TDP1: variants seen among roughly 807,000 people sequenced by gnomAD.
TDP1 encodes the protein tyrosyl-DNA phosphodiesterase 1, also known as tyr-DNA phosphodiesterase 1.
In TDP1, 64 loss-of-function variants were observed where a neutral mutation model predicts 81.5. The observed-to-expected ratio is 0.79, with a 90% confidence interval of 0.64 to 0.97. TDP1 has a LOEUF of 0.97. Among genes scored for constraint, TDP1 ranks in the 50% least tolerant of loss-of-function variants. The pLI is 0.00. For missense variants in TDP1, 723 were observed against 743.8 expected (o/e 0.97, Z 0.33); for synonymous variants, 256 against 264.3 (o/e 0.97, Z 0.30).
intron 3 of TDP1, 44 bp downstream of exon 3, chr14:89,963,717 A>G (rs1324868798): frequency 1.4e-5 from 23 of 1,607,498 alleles, no homozygotes; most frequent in Non-Finnish European, 2.0e-5. Flanking sequence ...ATTGCCCTTG[A>G]GAGTCTCTCC....
At chr14:89,983,493 G>A (rs1895225769) in intron 8 of TDP1, among the ~76,000 whole-genome samples, 1 of 152,162 alleles carries the variant, frequency 6.6e-6, no homozygotes, top group South Asian at 2.1e-4. Flanking sequence ...TCTCCTTCAG[G>A]GGCTGCCAGG....
chr14:90,026,683 T>C (rs575080495), intron 15 of TDP1, among the ~76,000 whole-genome samples: 126 of 151,900 alleles, frequency 8.3e-4, no homozygotes, highest in Non-Finnish European at 1.3e-3. Flanking sequence ...TTGTTCAATT[T>C]CCACCTATGA....
intron 15 of TDP1, among the ~76,000 whole-genome samples, chr14:90,019,720 G>A (rs201021211): frequency 1.3e-5 from 2 of 152,140 alleles, no homozygotes; most frequent in East Asian, 3.9e-4. Flanking sequence ...GATTTATCTC[G>A]AGGTGGTAGA....
intron 3 of TDP1, among the ~76,000 whole-genome samples, chr14:89,964,207 AGAAG>A (rs143694338): frequency 0.056 from 8,542 of 152,226 alleles, 507 homozygotes; most frequent in African/African-American, 0.15. Context: ...CTGGTGAAGA[AGAAG>A]AAGAAAAAAC....
At chr14:90,024,800 A>C (rs1307612188) in intron 15 of TDP1, among the ~76,000 whole-genome samples, 1 of 152,236 alleles carries the variant, frequency 6.6e-6, no homozygotes, top group African/African-American at 2.4e-5. Context: ...AATGCAGTTT[A>C]TCATAAAATG....
chr14:90,034,012 A>G (rs2140326348), intron 16 of TDP1, among the ~76,000 whole-genome samples: 1 of 152,222 alleles, frequency 6.6e-6, no homozygotes, highest in East Asian at 1.9e-4. Context: ...GGCTGCAGTG[A>G]GCTATGATTG....
At chr14:89,998,371 ATTATAT>A in intron 14 of TDP1, among the ~76,000 whole-genome samples, 1 of 77,634 alleles carries the variant, frequency 1.3e-5, no homozygotes, top group South Asian at 4.9e-4. Flanking sequence ...TTCCAAGCAC[ATTATAT>A]ATATATATAT....
intron 2 of TDP1, among the ~76,000 whole-genome samples, chr14:89,961,552 CAG>C (rs1445392273): frequency 3.3e-5 from 5 of 152,306 alleles, no homozygotes; most frequent in Middle Eastern, 6.8e-3. Flanking sequence ...CATATTGTCA[CAG>C]AATCTATTCT....
intron 14 of TDP1, among the ~76,000 whole-genome samples, chr14:90,006,709 TTG>T (rs1169610495): frequency 6.6e-6 from 1 of 151,972 alleles, no homozygotes; most frequent in Non-Finnish European, 1.5e-5. Flanking sequence ...GCTAATTTTT[TTG>T]TGTTTTTAGT....
rs190152137 is a variant in TDP1, at chr14:89,973,439, C to T, written c.756+2168C>T. Reference sequence around the variant, plus strand: ...GGCCACCAGAGGGCATAGTGAGCCACTTCTTCCAAACCTCTTGGAAAGAGC... The same window carrying T: ...GGCCACCAGAGGGCATAGTGAGCCATTTCTTCCAAACCTCTTGGAAAGAGC... On this transcript the variant is annotated intron_variant, in intron 6 of 16. Coordinates refer to ENST00000335725, the MANE Select transcript of TDP1 (RefSeq NM_018319.4). 4.6e-5 allele frequency among the ~76,000 whole-genome samples: 7 copies of T among 152,354 alleles called. No homozygotes were observed. The East Asian group carries it at 1.2e-3, about 25-fold the overall frequency.
intron 7 of TDP1, among the ~76,000 whole-genome samples, chr14:89,977,210 G>C (rs1894440888): frequency 1.3e-5 from 2 of 152,174 alleles, no homozygotes; most frequent in African/African-American, 4.8e-5. Flanking sequence ...TCCCAATTAA[G>C]TATCTGTAGT....
intron 6 of TDP1, 144 bp downstream of exon 6, chr14:89,971,415 A>G: frequency 1.4e-6 from 1 of 710,600 alleles, no homozygotes; most frequent in Non-Finnish European, 2.5e-6. Context: ...CAGCTTAAAC[A>G]CTTCCTGAGA....
In TDP1 at chr14:89,963,631, G is replaced by T; in HGVS notation, c.517G>T (p.Gly173Ter). 4 of 1,614,088 alleles carry T rather than the reference G, an allele frequency of 2.5e-6. No homozygotes were observed. Among genetic ancestry groups the T allele is most frequent in the Non-Finnish European group, 3.4e-6 (4 of 1,179,976 alleles). The change falls in exon 3 of 17, where the codon GGA (glycine) becomes TGA (stop). Residue 173 changes from glycine (G) to a stop codon, truncating the protein, a stop_gained. Coordinates refer to ENST00000335725, the MANE Select transcript of TDP1 (RefSeq NM_018319.4). LOFTEE classifies it high-confidence loss of function. ...PFQFYLTRVS[G>*]VKPKYNSGAL... is the part of the protein sequence containing the mutation. ...CCAGTTTTACCTCACTAGAGTCTCTGGAGTTAAGCCAAAGTATAACTCTGG... is the reference window on the plus strand; with the variant it reads ...CCAGTTTTACCTCACTAGAGTCTCTTGAGTTAAGCCAAAGTATAACTCTGG...
intron 14 of TDP1, among the ~76,000 whole-genome samples, chr14:89,996,680 C>G (rs1239677081): frequency 2.6e-5 from 4 of 152,242 alleles, no homozygotes; most frequent in South Asian, 2.1e-4. Flanking sequence ...CTTAACCTCT[C>G]TGAGCCTCAG....
chr14:90,016,206 G>A (rs1005452261), intron 14 of TDP1, among the ~76,000 whole-genome samples: 21 of 151,838 alleles, frequency 1.4e-4, no homozygotes, highest in African/African-American at 4.6e-4. Context: ...CACCACGCCC[G>A]GCTAATTTTG....
intron 12 of TDP1, among the ~76,000 whole-genome samples, chr14:89,990,380 A>G (rs966462185): frequency 1.3e-5 from 2 of 152,058 alleles, no homozygotes; most frequent in African/African-American, 4.8e-5. Flanking sequence ...GTTAACTGAA[A>G]ACCCACATAG....
chr14:90,000,840 C>T (rs1428780895), intron 14 of TDP1, among the ~76,000 whole-genome samples: 1 of 152,198 alleles, frequency 6.6e-6, no homozygotes, highest in Non-Finnish European at 1.5e-5. Context: ...GGCTCCAAAG[C>T]TCTTTGAGAA....
At position 90,008,217 on chromosome 14, in the gene TDP1, T is replaced by C. The variant is rs561691342; in HGVS notation, c.1542-11099T>C. Among the ~76,000 whole-genome samples, 4 of 152,356 alleles carry C rather than the reference T, an allele frequency of 2.6e-5. No homozygotes were observed. The East Asian group carries it at 5.8e-4, about 22-fold the overall frequency. On this transcript the variant is annotated intron_variant, in intron 14 of 16. Transcript: ENST00000335725. ...TCTCACTTCCTTCTTGCAACTCTTA[T>C]GAGATGCTTGTCGGACCCTCTCATT...
chr14:89,998,581 A>C (rs1356242508), intron 14 of TDP1, among the ~76,000 whole-genome samples: 2 of 151,154 alleles, frequency 1.3e-5, no homozygotes, highest in Admixed American at 1.3e-4. Context: ...CAGAGTCCCC[A>C]CCCTCAAACA....
Sources: allele counts gnomAD v4.1 joint callset (sites outside exome capture counted in the v4.1 genomes callset), GRCh38; gene constraint gnomAD v4.1.1; transcripts MANE v1.5; gene names NCBI Gene and HGNC (gene_info 2026-07-23, HGNC 2026-07-21).